SPAG9: variants seen among roughly 807,000 people sequenced by gnomAD.
The protein encoded by SPAG9 is sperm associated antigen 9, also known as C-Jun-amino-terminal kinase-interacting protein 4.
SPAG9 carries 35 observed loss-of-function variants against 166.5 expected under a neutral mutation model. That is an observed-to-expected ratio of 0.21 (90% confidence interval 0.16 to 0.28). The LOEUF (loss-of-function observed/expected upper bound fraction) is 0.28. SPAG9 is among the 10% of genes least tolerant of loss of function. The pLI, the probability that SPAG9 is intolerant of heterozygous loss-of-function variation, is 1.00. For synonymous variants in SPAG9, 534 were observed against 565.5 expected, an observed-to-expected ratio of 0.94 and a Z score of 0.79; for missense variants, 1,235 against 1,603.3, an observed-to-expected ratio of 0.77 and a Z score of 3.92.
At chr17:51,027,337 C>A (rs2046221697) in intron 6 of SPAG9, among the ~76,000 whole-genome samples, 1 of 151,506 alleles carries the variant, frequency 6.6e-6, no homozygotes. Flanking sequence ...GCGGCTGAGG[C>A]ACGAGAATCA....
Position 50,966,095 on chromosome 17 carries a change from T to C in SPAG9, c.*177A>G. ...TATAACACTGGTGCAGTAACACAGC[T>C]AGTTCCTCTGTATTGTTATGGTAGA... On this transcript the variant is annotated 3_prime_UTR_variant, in exon 30 of 30. Coordinates refer to ENST00000262013, the MANE Select transcript of SPAG9 (RefSeq NM_001130528.3). 1 of 592,454 alleles carries C rather than the reference T, an allele frequency of 1.7e-6. No individual in the cohort carries two copies. The highest frequency in any genetic ancestry group is 3.0e-6 in the Non-Finnish European group (1 of 328,316). The allele number at this position is 592,454 out of a possible 1,614,324, so 36.7% of individuals were successfully genotyped here. A position where few individuals can be genotyped will look rare whatever the true frequency, so the allele number is the denominator to read the frequency against.
intron 6 of SPAG9, chr17:51,030,988 C>T (rs1332454178): frequency 6.7e-6 from 1 of 149,360 alleles, no homozygotes; most frequent in Non-Finnish European, 1.5e-5. Flanking sequence ...CATCTTAGCT[C>T]ACTGCAACCT....
chr17:50,967,632 C>T (rs756533435), intron 29 of SPAG9, among the ~76,000 whole-genome samples: 7 of 152,210 alleles, frequency 4.6e-5, no homozygotes, highest in Non-Finnish European at 8.8e-5. Context: ...AAAAGGCTGT[C>T]GCCATTTCTC....
At chr17:51,117,515 T>G (rs1177870046) in intron 1 of SPAG9, among the ~76,000 whole-genome samples, 1 of 151,432 alleles carries the variant, frequency 6.6e-6, no homozygotes, top group African/African-American at 2.4e-5. Context: ...ATTGAGACTA[T>G]CCTGGCTAAA....
At chr17:51,027,964 G>C (rs1437758809) in intron 6 of SPAG9, among the ~76,000 whole-genome samples, 2 of 151,978 alleles carry the variant, frequency 1.3e-5, no homozygotes, top group African/African-American at 2.4e-5. Flanking sequence ...AGTGGGACAA[G>C]ATGTGGAGGT....
At chr17:51,112,061 A>G (rs2049128349) in intron 1 of SPAG9, among the ~76,000 whole-genome samples, 1 of 152,076 alleles carries the variant, frequency 6.6e-6, no homozygotes, top group Non-Finnish European at 1.5e-5. Flanking sequence ...ATGTCTTAGG[A>G]GCTTAAGTAA....
At chr17:50,975,296 C>A (rs1974131468) in intron 27 of SPAG9, 1 of 231,924 alleles carries the variant, frequency 4.3e-6, no homozygotes, top group Non-Finnish European at 8.3e-6. Context: ...AGAAAACTAA[C>A]CATTATACAG....
chr17:51,097,115 A>T (rs938528148), intron 1 of SPAG9, among the ~76,000 whole-genome samples: 1 of 152,370 alleles, frequency 6.6e-6, no homozygotes, highest in African/African-American at 2.4e-5. Context: ...ATAAAAACTC[A>T]AAAGAACAAG....
chr17:51,068,016 C>A (rs562747264), intron 2 of SPAG9, among the ~76,000 whole-genome samples: 1 of 152,108 alleles, frequency 6.6e-6, no homozygotes, highest in Admixed American at 6.6e-5. Flanking sequence ...GATAGGCCTA[C>A]GGGGGGAAGA....
At chr17:51,076,645 A>C (rs1314993406) in intron 2 of SPAG9, among the ~76,000 whole-genome samples, 1 of 152,004 alleles carries the variant, frequency 6.6e-6, no homozygotes. Flanking sequence ...CTGAGGCAGG[A>C]GAATCACTTG....
At chr17:50,972,073 A>G (rs924429586) in intron 28 of SPAG9, among the ~76,000 whole-genome samples, 2 of 152,032 alleles carry the variant, frequency 1.3e-5, no homozygotes, top group African/African-American at 4.8e-5. Flanking sequence ...GGTCTCTTAA[A>G]AATTTTTAAT....
At chr17:51,018,343 G>C (rs1175318403) in intron 8 of SPAG9, among the ~76,000 whole-genome samples, 5 of 151,564 alleles carry the variant, frequency 3.3e-5, no homozygotes, top group African/African-American at 1.2e-4. Context: ...CAGCCTAGGC[G>C]ACAGAGCAAG....
intron 3 of SPAG9, among the ~76,000 whole-genome samples, chr17:51,054,529 T>C (rs1364665775): frequency 1.3e-5 from 2 of 151,826 alleles, no homozygotes; most frequent in Non-Finnish European, 2.9e-5. Context: ...CTCCGCCTCC[T>C]GGGTTCACAC....
At chr17:51,037,500 C>G (rs72826420) in intron 5 of SPAG9, among the ~76,000 whole-genome samples, 10,705 of 150,544 alleles carry the variant, frequency 0.071, 415 homozygotes, top group Non-Finnish European at 0.09. Flanking sequence ...GTAATCCCAG[C>G]TACTTGGAAG....
chr17:51,098,399 CTGAG>C (rs1048393067), intron 1 of SPAG9, among the ~76,000 whole-genome samples: 4 of 139,692 alleles, frequency 2.9e-5, no homozygotes, highest in Non-Finnish European at 4.8e-5. Context: ...CACAAACACC[CTGAG>C]TGATTTTTTT....
At position 51,065,278 on chromosome 17, in the gene SPAG9, C is replaced by A. The variant is rs181881195; in HGVS notation, c.425-8796G>T. Among the ~76,000 whole-genome samples the A allele has an allele frequency of 2.0e-3, 305 of 152,198 alleles. 1 individual carries two copies. The highest frequency in any genetic ancestry group is 7.1e-3 in the African/African-American group (296 of 41,530). On this transcript the variant is annotated intron_variant, in intron 2 of 29. Coordinates refer to ENST00000262013, the MANE Select transcript of SPAG9 (RefSeq NM_001130528.3). ...GAACTCCTGGGCTCAAGCAATCCTC[C>A]CGCCTCAGCCTCCCAAATTCCTGGA... is the stretch of plus-strand genomic sequence containing the variant.
chr17:51,110,586 G>C (rs2049080084), intron 1 of SPAG9, among the ~76,000 whole-genome samples: 1 of 152,140 alleles, frequency 6.6e-6, no homozygotes, highest in South Asian at 2.1e-4. Flanking sequence ...CTACTTGGGA[G>C]GCTGAGACGG....
chr17:50,998,374 TAAG>T, intron 15 of SPAG9, 67 bp downstream of exon 15: 1 of 1,397,354 alleles, frequency 7.2e-7, no homozygotes, highest in Non-Finnish European at 1.0e-6. Context: ...TTAGAGCTGA[TAAG>T]AGGCCAAGAA....
intron 12 of SPAG9, among the ~76,000 whole-genome samples, chr17:51,004,604 C>T (rs1054632151): frequency 2.6e-5 from 4 of 152,108 alleles, no homozygotes; most frequent in Non-Finnish European, 5.9e-5. Flanking sequence ...CCAAATTAGA[C>T]TTGTAGTCCC....
Sources: allele counts gnomAD v4.1 joint callset (sites outside exome capture counted in the v4.1 genomes callset), GRCh38; gene constraint gnomAD v4.1.1; transcripts MANE v1.5; gene names NCBI Gene and HGNC (gene_info 2026-07-23, HGNC 2026-07-21).